The following DIP2C variants were observed in gnomAD, a reference collection of about 807,000 sequenced individuals.
The protein encoded by DIP2C is disco-interacting protein 2 homolog C.
Under a neutral mutation model 192.4 loss-of-function variants are expected in DIP2C, and 33 were observed. The observed-to-expected ratio is 0.17, with a 90% CI of 0.13 to 0.23. The LOEUF (loss-of-function observed/expected upper bound fraction) is 0.23. DIP2C is among the 10% of genes least tolerant of loss of function. DIP2C has a pLI of 1.00. For synonymous variants in DIP2C, 979 were observed against 864.1 expected (o/e 1.13, Z -2.33); for missense variants, 1,537 against 2,110.1 (o/e 0.73, Z 5.32).
intron 1 of DIP2C, chr10:668,590 T>G (rs1281404141): frequency 6.6e-6 from 1 of 151,528 alleles, no homozygotes; most frequent in Non-Finnish European, 1.5e-5. Context: ...TGAATGCAAC[T>G]CAACACAACA....
rs556798341 is a variant in DIP2C, at chr10:541,682, G to A, written c.86-55152C>T. 4.3e-5 allele frequency among the ~76,000 whole-genome samples: 6 copies of A among 139,882 alleles called. No homozygotes were observed. In the South Asian group the frequency reaches 1.4e-3, roughly 33 times the overall value. 91.8% of individuals were successfully genotyped at this position (139,882 alleles called of 152,430 possible). A position where few individuals can be genotyped will look rare whatever the true frequency, so the allele number is the denominator to read the frequency against. ...ACACCCGTCTCTCCTGGAACCCCAAGAGTGACCCTCCACCTGACCACCCCC... is the reference window on the plus strand; with the variant it reads ...ACACCCGTCTCTCCTGGAACCCCAAAAGTGACCCTCCACCTGACCACCCCC... On this transcript the variant is annotated intron_variant, in intron 1 of 36. Transcript: ENST00000280886.
At chr10:491,984 C>T (rs1444723701) in intron 1 of DIP2C, among the ~76,000 whole-genome samples, 2 of 151,624 alleles carry the variant, frequency 1.3e-5, no homozygotes, top group Admixed American at 6.6e-5. Context: ...CTCAAAATCC[C>T]GACCCCAGAA....
intron 33 of DIP2C, among the ~76,000 whole-genome samples, chr10:287,958 C>T (rs921786369): frequency 1.3e-5 from 2 of 152,184 alleles, no homozygotes; most frequent in South Asian, 2.1e-4. Flanking sequence ...CAGTGTAGGA[C>T]AGCTTGGGAA....
At chr10:419,221 G>T in intron 5 of DIP2C, 22 bp from the exon 6 acceptor site, 1 of 1,614,066 alleles carries the variant, frequency 6.2e-7, no homozygotes, top group Non-Finnish European at 8.5e-7. Flanking sequence ...CACATCATGA[G>T]ATTTTCTGGT....
At position 286,261 on chromosome 10, in the gene DIP2C, C is replaced by T; in HGVS notation, c.4119+12G>A. 1 of 1,613,778 alleles carries T rather than the reference C, an allele frequency of 6.2e-7. No individual in the cohort carries two copies. The highest frequency in any genetic ancestry group is 2.2e-5 in the East Asian group (1 of 44,870). ...GAAAAGTAACCTGGATCTCGGAGGA[C>T]ACTCAACTCACCTCTCCAAGGTGTG... On this transcript the variant is annotated intron_variant, in intron 34 of 36. Transcript: ENST00000280886.
intron 31 of DIP2C, among the ~76,000 whole-genome samples, chr10:318,628 G>A (rs1015077924): frequency 4.6e-5 from 7 of 152,218 alleles, no homozygotes; most frequent in Non-Finnish European, 7.3e-5. Flanking sequence ...TTACAGGTCA[G>A]AAAGCTGGCT....
rs991476694 is a variant in DIP2C at position 358,259 on chromosome 10, G to T, written c.2795-322C>A. ...AGCCATGATTGTAAAAAATAAAACG[G>T]AAGACACACACAGAATTAAAAGCCA... is the stretch of plus-strand genomic sequence containing the variant. On this transcript the variant is annotated intron_variant, in intron 22 of 36. Transcript: ENST00000280886. 5.3e-5 allele frequency among the ~76,000 whole-genome samples: 8 copies of T among 151,748 alleles called. 1 individual carries two copies. The highest frequency in any genetic ancestry group is 9.7e-5 in the African/African-American group (4 of 41,400).
At chr10:592,001 G>A (rs1851432475) in intron 1 of DIP2C, among the ~76,000 whole-genome samples, 1 of 152,204 alleles carries the variant, frequency 6.6e-6, no homozygotes, top group African/African-American at 2.4e-5. Flanking sequence ...ATATTCAAGT[G>A]TCATTTCACA....
chr10:399,311 G>A (rs565044043), intron 9 of DIP2C, 92 bp from the exon 10 acceptor site: 12 of 900,876 alleles, frequency 1.3e-5, no homozygotes, highest in Admixed American at 3.8e-5. Flanking sequence ...GAGAGGGCAC[G>A]CTTCAGTGAG....
intron 9 of DIP2C, among the ~76,000 whole-genome samples, chr10:407,997 A>G (rs1964927621): frequency 1.3e-5 from 2 of 152,138 alleles, no homozygotes; most frequent in African/African-American, 4.8e-5. Flanking sequence ...ACTGTTGCCA[A>G]ATCCAGGGTC....
intron 32 of DIP2C, 26 bp downstream of exon 32, chr10:310,005 A>C: frequency 6.2e-7 from 1 of 1,609,654 alleles, no homozygotes; most frequent in South Asian, 1.1e-5. Context: ...AAGGAAAAAA[A>C]GAAAAAACCC....
chr10:456,657 G>C (rs1297404616), intron 3 of DIP2C, among the ~76,000 whole-genome samples: 1 of 152,318 alleles, frequency 6.6e-6, no homozygotes, highest in Admixed American at 6.5e-5. Flanking sequence ...GACGAGACAG[G>C]CTGCATGGAA....
chr10:473,493 A>G (rs138859207), intron 2 of DIP2C, among the ~76,000 whole-genome samples: 54 of 152,050 alleles, frequency 3.6e-4, no homozygotes, highest in African/African-American at 1.3e-3. Flanking sequence ...GATATCACAG[A>G]AAGGACGTCA....
At chr10:349,935 C>T (rs1013765213) in intron 24 of DIP2C, among the ~76,000 whole-genome samples, 11 of 152,124 alleles carry the variant, frequency 7.2e-5, no homozygotes, top group African/African-American at 2.7e-4. Context: ...ACAAACACAC[C>T]CTACAGGAAT....
chr10:542,791 G>A (rs1053241643), intron 1 of DIP2C, among the ~76,000 whole-genome samples: 3 of 150,302 alleles, frequency 2.0e-5, no homozygotes, highest in Non-Finnish European at 4.4e-5. Flanking sequence ...CAGGTCACCA[G>A]ATCCCAGTTC....
intron 12 of DIP2C, 53 bp downstream of exon 12, chr10:390,211 G>T: frequency 6.3e-7 from 1 of 1,596,962 alleles, no homozygotes. Context: ...AGAAACACAC[G>T]TTAGTGCCAA....
chr10:343,220 C>T (rs953144387), intron 28 of DIP2C, among the ~76,000 whole-genome samples: 13 of 152,174 alleles, frequency 8.5e-5, no homozygotes, highest in Non-Finnish European at 1.5e-4. Flanking sequence ...ACCAAGAGGG[C>T]GGAGGTTGCA....
intron 3 of DIP2C, among the ~76,000 whole-genome samples, chr10:463,481 CAAGGA>C (rs1402510743): frequency 6.6e-6 from 1 of 152,062 alleles, no homozygotes; most frequent in Non-Finnish European, 1.5e-5. Flanking sequence ...AACCACTGCT[CAAGGA>C]AAGAAGAGAA....
rs1030027252 is a variant in DIP2C at position 616,303 on chromosome 10, T to C, written c.85+73191A>G. On this transcript the variant is annotated intron_variant, in intron 1 of 36. Coordinates refer to ENST00000280886, the MANE Select transcript of DIP2C (RefSeq NM_014974.3). The stretch of plus-strand genomic sequence containing the variant: ...CTCCTATTTACGTTACAGACAAGCA[T>C]GAATGAAAACTTTAATCTGTGTTTA... Among the ~76,000 whole-genome samples the C allele has an allele frequency of 1.4e-4, 22 of 152,374 alleles. No homozygotes were observed. In the South Asian group the frequency reaches 1.4e-3, roughly 10 times the overall value.
Sources: allele counts gnomAD v4.1 joint callset (sites outside exome capture counted in the v4.1 genomes callset), GRCh38; gene constraint gnomAD v4.1.1; transcripts MANE v1.5; gene names NCBI Gene and HGNC (gene_info 2026-07-23, HGNC 2026-07-21).